The following UBE2E2 variants were observed in gnomAD, a reference collection of about 807,000 sequenced individuals.
The protein encoded by UBE2E2 is ubiquitin-conjugating enzyme E2 E2.
UBE2E2 carries 6 observed loss-of-function variants against 24.7 expected under a neutral mutation model. That is an observed-to-expected ratio of 0.24 (90% CI 0.13 to 0.48). The LOEUF is 0.48. Ranked by LOEUF, UBE2E2 falls within the 20% of genes least tolerant of loss-of-function variation. The pLI, the probability that UBE2E2 is intolerant of heterozygous loss-of-function variation, is 0.99. For synonymous variants in UBE2E2, 104 were observed against 83.6 expected (o/e 1.24, Z -1.33); for missense variants, 169 against 245.0 (o/e 0.69, Z 2.07).
intron 5 of UBE2E2, among the ~76,000 whole-genome samples, chr3:23,569,336 G>A (rs527474502): frequency 3.9e-5 from 6 of 152,252 alleles, no homozygotes; most frequent in Non-Finnish European, 7.4e-5. Context: ...ATTTGCCAGC[G>A]GGGAGTAACT....
At chr3:23,411,546 G>T (rs546485200) in intron 3 of UBE2E2, among the ~76,000 whole-genome samples, 2 of 152,216 alleles carry the variant, frequency 1.3e-5, no homozygotes, top group African/African-American at 4.8e-5. Context: ...GGAGCGAGGA[G>T]GTTTTGGGGG....
At chr3:23,203,893 A>T (rs916031382) in intron 1 of UBE2E2, among the ~76,000 whole-genome samples, 1 of 151,934 alleles carries the variant, frequency 6.6e-6, no homozygotes, top group African/African-American at 2.4e-5. Flanking sequence ...ATTGCTGCAC[A>T]TGGTGTGTCT....
At chr3:23,558,509 C>G (rs1274809668) in intron 5 of UBE2E2, among the ~76,000 whole-genome samples, 3 of 152,140 alleles carry the variant, frequency 2.0e-5, no homozygotes, top group Admixed American at 2.0e-4. Flanking sequence ...ATCCTGAAAT[C>G]AGTCTCCAAG....
At position 23,309,291 on chromosome 3, in the gene UBE2E2, C is replaced by T. The variant is rs139017589; in HGVS notation, c.227+91979C>T. Among the ~76,000 whole-genome samples the T allele has an allele frequency of 4.1e-3, 619 of 152,248 alleles. 1 individual carries two copies. The highest frequency in any genetic ancestry group is 6.8e-3 in the Middle Eastern group (2 of 294). ...ATACTTCAGCAGCCATCTAAACATC[C>T]CTCAATCCAGTCAAGTTTACACCTA... On this transcript the variant is annotated intron_variant, in intron 3 of 5. Transcript: ENST00000396703.
intron 3 of UBE2E2, among the ~76,000 whole-genome samples, chr3:23,469,112 G>A (rs756278562): frequency 3.3e-5 from 5 of 152,138 alleles, no homozygotes; most frequent in African/African-American, 4.8e-5. Context: ...ACAAGATCAG[G>A]GAACTGGCAT....
intron 3 of UBE2E2, among the ~76,000 whole-genome samples, chr3:23,365,876 C>T (rs1423912356): frequency 2.6e-5 from 4 of 152,078 alleles, no homozygotes; most frequent in Non-Finnish European, 5.9e-5. Context: ...TACAAGGCTA[C>T]GATAACCAAA....
intron 3 of UBE2E2, among the ~76,000 whole-genome samples, chr3:23,359,227 G>A (rs925722273): frequency 1.3e-5 from 2 of 152,102 alleles, no homozygotes; most frequent in African/African-American, 4.8e-5. Context: ...CTCTAATGAT[G>A]TTGCTAAGGG....
At chr3:23,540,497 T>G (rs893916967) in intron 5 of UBE2E2, among the ~76,000 whole-genome samples, 1 of 152,106 alleles carries the variant, frequency 6.6e-6, no homozygotes, top group African/African-American at 2.4e-5. Flanking sequence ...TTCCACTTGC[T>G]GGGTTCAAGC....
chr3:23,378,263 C>T (rs1172667392), intron 3 of UBE2E2, among the ~76,000 whole-genome samples: 1 of 128,882 alleles, frequency 7.8e-6, no homozygotes, highest in African/African-American at 2.8e-5. Context: ...AAAAAAAATA[C>T]TGCAGTTTAT....
At chr3:23,272,876 C>A (rs1161255620) in intron 3 of UBE2E2, among the ~76,000 whole-genome samples, 1 of 152,066 alleles carries the variant, frequency 6.6e-6, no homozygotes, top group African/African-American at 2.4e-5. Context: ...CCAAGAAGAG[C>A]CCAAGTTTCA....
intron 4 of UBE2E2, among the ~76,000 whole-genome samples, chr3:23,526,255 C>A (rs1014204349): frequency 6.6e-6 from 1 of 152,114 alleles, no homozygotes; most frequent in African/African-American, 2.4e-5. Context: ...CTATATGAAG[C>A]CCCTTGTGAA....
chr3:23,307,020 C>G (rs960654194), intron 3 of UBE2E2, among the ~76,000 whole-genome samples: 1 of 152,016 alleles, frequency 6.6e-6, no homozygotes, highest in Non-Finnish European at 1.5e-5. Flanking sequence ...ATATTATAGA[C>G]TTTATAATAC....
At chr3:23,547,939 C>G (rs1695559270) in intron 5 of UBE2E2, among the ~76,000 whole-genome samples, 1 of 152,208 alleles carries the variant, frequency 6.6e-6, no homozygotes, top group African/African-American at 2.4e-5. Flanking sequence ...TATTCCCATA[C>G]TTTGAAGTAG....
intron 2 of UBE2E2, among the ~76,000 whole-genome samples, chr3:23,209,643 G>C (rs993951934): frequency 1.9e-4 from 29 of 152,124 alleles, no homozygotes; most frequent in African/African-American, 6.8e-4. Context: ...GTAACTTGTA[G>C]GCATAGTGGA....
intron 3 of UBE2E2, among the ~76,000 whole-genome samples, chr3:23,470,302 G>C (rs1412344383): frequency 6.6e-6 from 1 of 152,124 alleles, no homozygotes; most frequent in African/African-American, 2.4e-5. Flanking sequence ...AAAGTTCTCT[G>C]CTCACAAGAA....
At chr3:23,223,003 T>G in intron 3 of UBE2E2, among the ~76,000 whole-genome samples, 1 of 148,128 alleles carries the variant, frequency 6.8e-6, no homozygotes, top group Admixed American at 6.9e-5. Flanking sequence ...AAATGTCTGT[T>G]TACATCTTTT....
chr3:23,397,123 G>A (rs145650463), intron 3 of UBE2E2, among the ~76,000 whole-genome samples: 1 of 152,252 alleles, frequency 6.6e-6, no homozygotes, highest in Admixed American at 6.5e-5. Context: ...ATATATGATC[G>A]ATCGTGCTAC....
chr3:23,568,935 A>G (rs966731703), intron 5 of UBE2E2, among the ~76,000 whole-genome samples: 3 of 151,864 alleles, frequency 2.0e-5, no homozygotes, highest in African/African-American at 7.2e-5. Flanking sequence ...AGTTCCTTAC[A>G]TGGTTAAACA....
chr3:23,568,025 A>T (rs925185296), intron 5 of UBE2E2, among the ~76,000 whole-genome samples: 7 of 152,166 alleles, frequency 4.6e-5, no homozygotes, highest in Admixed American at 2.6e-4. Flanking sequence ...CAGAGCCCAC[A>T]CTTTCAGTGG....
Sources: allele counts gnomAD v4.1 joint callset (sites outside exome capture counted in the v4.1 genomes callset), GRCh38; gene constraint gnomAD v4.1.1; transcripts MANE v1.5; gene names NCBI Gene and HGNC (gene_info 2026-07-23, HGNC 2026-07-21).